Variants in LIMCH1 observed in about 807,000 individuals in gnomAD.
The protein encoded by LIMCH1 is LIM and calponin homology domains-containing protein 1.
LIMCH1 carries 113 observed loss-of-function variants against 176.5 expected under a neutral mutation model. The ratio of observed to expected loss-of-function variants is 0.64; its 90% CI spans 0.55 to 0.75. The LOEUF is 0.75. Ranked by LOEUF, LIMCH1 falls within the 30% of genes least tolerant of loss-of-function variation. LIMCH1 has a pLI of 0.00. For missense variants in LIMCH1, 1,674 were observed against 1,814.9 expected, an observed-to-expected ratio of 0.92 and a Z score of 1.41; for synonymous variants, 619 against 645.9, an observed-to-expected ratio of 0.96 and a Z score of 0.63.
At chr4:41,419,674 T>TTCC (rs1338179671) in intron 1 of LIMCH1, among the ~76,000 whole-genome samples, 11 of 72,624 alleles carry the variant, frequency 1.5e-4, no homozygotes, top group East Asian at 1.0e-3. Context: ...CCTTCCTTCC[T>TTCC]TCCTTCCTCC....
intron 14 of LIMCH1, among the ~76,000 whole-genome samples, chr4:41,643,230 C>G (rs1024061757): frequency 2.0e-5 from 3 of 152,154 alleles, no homozygotes; most frequent in African/African-American, 7.2e-5. Flanking sequence ...TTCGGCGATG[C>G]TGCTGCTGTT....
chr4:41,581,828 A>AAAC (rs1561821950), intron 1 of LIMCH1, among the ~76,000 whole-genome samples: 28 of 150,422 alleles, frequency 1.9e-4, no homozygotes, highest in Non-Finnish European at 2.5e-4. Context: ...AAAAAAAAAA[A>AAAC]AACAACAGCA....
intron 2 of LIMCH1, among the ~76,000 whole-genome samples, chr4:41,601,416 A>C (rs947620856): frequency 1.3e-5 from 2 of 152,158 alleles, no homozygotes; most frequent in Non-Finnish European, 2.9e-5. Flanking sequence ...CTGAGACACA[A>C]ATAGGAAGGA....
At chr4:41,567,906 G>A (rs1027270142) in intron 1 of LIMCH1, among the ~76,000 whole-genome samples, 2 of 152,160 alleles carry the variant, frequency 1.3e-5, no homozygotes, top group African/African-American at 2.4e-5. Context: ...TGTAATCCCA[G>A]CACTCTGGGA....
chr4:41,670,817 ATTTC>A (rs1402845775), intron 21 of LIMCH1: 1 of 1,534,648 alleles, frequency 6.5e-7, no homozygotes, highest in East Asian at 2.4e-5. Flanking sequence ...GGGTAGCTGT[ATTTC>A]TTTTGTGCGA....
At chr4:41,647,823 A>T (rs1441406796) in intron 17 of LIMCH1, among the ~76,000 whole-genome samples, 2 of 152,208 alleles carry the variant, frequency 1.3e-5, no homozygotes, top group Non-Finnish European at 2.9e-5. Flanking sequence ...TATCTCAAAA[A>T]TCTCTATCTT....
At chr4:41,491,015 C>T in intron 1 of LIMCH1, among the ~76,000 whole-genome samples, 1 of 143,192 alleles carries the variant, frequency 7.0e-6, no homozygotes, top group South Asian at 2.3e-4. Context: ...GACGGGGCGG[C>T]TGGGCAGAGG....
At chr4:41,594,785 G>A (rs1360151821) in intron 1 of LIMCH1, among the ~76,000 whole-genome samples, 2 of 152,182 alleles carry the variant, frequency 1.3e-5, no homozygotes, top group African/African-American at 4.8e-5. Context: ...TCAAAGGCGT[G>A]CATCCCAGAT....
intron 1 of LIMCH1, among the ~76,000 whole-genome samples, chr4:41,476,195 T>C (rs1417448742): frequency 1.3e-5 from 2 of 152,230 alleles, no homozygotes; most frequent in Non-Finnish European, 1.5e-5. Flanking sequence ...TTTTGGTTAA[T>C]GGTGTTTAAG....
chr4:41,610,965 A>G (rs562263975), intron 4 of LIMCH1, among the ~76,000 whole-genome samples: 3 of 152,246 alleles, frequency 2.0e-5, no homozygotes, highest in Non-Finnish European at 4.4e-5. Flanking sequence ...GCAAAGACGT[A>G]ACTCTGAAAG....
intron 23 of LIMCH1, 95 bp downstream of exon 23, chr4:41,676,557 A>G: frequency 1.1e-6 from 1 of 898,490 alleles, no homozygotes; most frequent in Non-Finnish European, 1.8e-6. Context: ...AATGAATGGA[A>G]TCAAGTTATT....
At chr4:41,425,432 C>T (rs573430447) in intron 1 of LIMCH1, among the ~76,000 whole-genome samples, 2 of 152,320 alleles carry the variant, frequency 1.3e-5, no homozygotes, top group Admixed American at 6.5e-5. Flanking sequence ...CTGCAACCCC[C>T]GCCTCCCGGG....
Position 41,633,054 on chromosome 4 carries a change from G to A in LIMCH1, c.1798G>A (p.Ala600Thr), listed in dbSNP as rs1235923635. The A allele has an allele frequency of 1.3e-6, 2 of 1,535,890 alleles. No homozygotes were observed. Among genetic ancestry groups the A allele is most frequent in the Non-Finnish European group, 1.7e-6 (2 of 1,146,864 alleles). ...AAGAGATTCTGAGAGGCTGTCAAAG[G>A]CAGAAAGATCAGAGGACAGCAGCCA... ...APRDSERLSK[A>T]ERSEDSSQPL... Residue 600 changes from alanine to threonine, a missense_variant, in exon 12 of 32, where the codon GCA becomes ACA. Physicochemically the swap from Ala to Thr is moderately conservative, Grantham distance 58 (BLOSUM62 0). Around this residue, in one of 3 missense-constraint regions of LIMCH1, gnomAD observed 1,015 missense variants for 1,102.5 expected, o/e 0.92. Transcript: ENST00000503057.
intron 1 of LIMCH1, among the ~76,000 whole-genome samples, chr4:41,420,051 AG>A: frequency 1.3e-5 from 2 of 152,220 alleles, no homozygotes; most frequent in Middle Eastern, 3.4e-3. Flanking sequence ...AATGTGGATG[AG>A]GGGGGCCTTC....
At chr4:41,445,020 C>CT (rs11414585) in intron 1 of LIMCH1, among the ~76,000 whole-genome samples, 19,991 of 128,466 alleles carry the variant, frequency 0.16, 1,744 homozygotes, top group Middle Eastern at 0.24. Context: ...TTTTCCCATT[C>CT]TTTTTTTTTT....
chr4:41,655,168 C>T (rs1480047607), intron 18 of LIMCH1, among the ~76,000 whole-genome samples: 1 of 152,172 alleles, frequency 6.6e-6, no homozygotes, highest in Non-Finnish European at 1.5e-5. Flanking sequence ...CTCAATGGCA[C>T]CAAAATGACC....
intron 1 of LIMCH1, among the ~76,000 whole-genome samples, chr4:41,436,869 CT>C (rs2062141883): frequency 2.6e-5 from 4 of 152,080 alleles, no homozygotes; most frequent in African/African-American, 7.2e-5. Flanking sequence ...TTTGTCTGGT[CT>C]TTTGCATTTC....
At chr4:41,532,145 A>G (rs561468466) in intron 3 of LIMCH1, among the ~76,000 whole-genome samples, 2 of 152,334 alleles carry the variant, frequency 1.3e-5, no homozygotes, top group Admixed American at 6.5e-5. Flanking sequence ...AGGTCTAGCC[A>G]TGAAAGACTA....
Position 41,699,767 on chromosome 4 carries a change from C to T in LIMCH1, c.*2582C>T, listed in dbSNP as rs533451875. 4.2e-4 allele frequency: 64 copies of T among 152,174 alleles called. No individual in the cohort carries two copies. Among genetic ancestry groups the T allele is most frequent in the African/African-American group, 1.4e-3 (60 of 41,522 alleles). The allele number at this position is 152,174 out of a possible 1,614,324, so 9.4% of individuals were successfully genotyped here. On this transcript the variant is annotated 3_prime_UTR_variant, in exon 32 of 32. Coordinates refer to ENST00000503057, the MANE Select transcript of LIMCH1 (RefSeq NM_001330672.2). ...TCACTAGCGAACTTCCATGACATTT[C>T]CTTTCTATGTAGTGTGATTAATGCA...
Sources: gnomAD v4.1 joint callset for allele counts (sites outside exome capture counted in the v4.1 genomes callset) on GRCh38, gnomAD v4.1.1 for gene constraint, gnomAD v4.1.1 regional missense constraint, MANE v1.5 for transcripts, NCBI Gene and HGNC (gene_info 2026-07-23, HGNC 2026-07-21) for gene names.